CACNG8: variants seen among roughly 807,000 people sequenced by gnomAD.
CACNG8 encodes calcium voltage-gated channel auxiliary subunit gamma 8.
In CACNG8, 5 loss-of-function variants were observed where a neutral mutation model predicts 26.9. The ratio of observed to expected loss-of-function variants is 0.19; its 90% CI spans 0.10 to 0.39. The LOEUF (loss-of-function observed/expected upper bound fraction) is 0.39, where lower values mean the gene tolerates loss of function less well. Ranked by LOEUF, CACNG8 falls within the 10% of genes least tolerant of loss-of-function variation. CACNG8 has a pLI of 1.00. For missense variants in CACNG8, 473 were observed against 609.4 expected, an observed-to-expected ratio of 0.78 and a Z score of 2.36; for synonymous variants, 321 against 296.7, an observed-to-expected ratio of 1.08 and a Z score of -0.84.
In CACNG8 at chr19:53,984,058, G is replaced by A. The variant is rs954877289; in HGVS notation, c.*1209G>A. On this transcript the variant is annotated 3_prime_UTR_variant, in exon 4 of 4. Coordinates refer to ENST00000270458, the MANE Select transcript of CACNG8 (RefSeq NM_031895.6). ...GTGCTGAAATACAGCATCAAACATGGGCACGGGCCCTTGGAGCTCACACTC... is the reference window on the plus strand; with the variant it reads ...GTGCTGAAATACAGCATCAAACATGAGCACGGGCCCTTGGAGCTCACACTC... 1 of 152,330 alleles carries A rather than the reference G, an allele frequency of 6.6e-6. No individual in the cohort carries two copies. The highest frequency in any genetic ancestry group is 2.4e-5 in the African/African-American group (1 of 41,460). The allele number at this position is 152,330 out of a possible 1,614,324, so 9.4% of individuals were successfully genotyped here.
intron 1 of CACNG8, among the ~76,000 whole-genome samples, chr19:53,976,077 G>A (rs949343015): frequency 6.6e-6 from 1 of 152,248 alleles, no homozygotes; most frequent in South Asian, 2.1e-4. Context: ...CAGCGCAGTG[G>A]CTCATGCCTG....
chr19:53,969,441 T>A (rs1262759846), intron 1 of CACNG8, among the ~76,000 whole-genome samples: 1 of 149,920 alleles, frequency 6.7e-6, no homozygotes, highest in Non-Finnish European at 1.5e-5. Context: ...TTTTTTTTTT[T>A]TAGAGATGGG....
rs775591051 is a variant in CACNG8 at position 53,982,059 on chromosome 19, C to A, written c.509-21C>A. ...GGGCCGGGGGTGGCCTCGAGGCTCC[C>A]GTCTGACCGTCCCCGCCCAGGCCTG... On this transcript the variant is annotated intron_variant, in intron 3 of 3. Transcript: ENST00000270458. The surrounding 1 kb of genome is among the most constrained non-coding windows in gnomAD (Gnocchi z 8.4). 5 of 1,535,178 alleles carry A rather than the reference C, an allele frequency of 3.3e-6. No homozygotes were observed. The African/African-American group carries it at 7.0e-5, about 22-fold the overall frequency.
At chr19:53,972,427 T>A (rs565868658) in intron 1 of CACNG8, among the ~76,000 whole-genome samples, 2 of 147,984 alleles carry the variant, frequency 1.4e-5, no homozygotes, top group South Asian at 4.3e-4. Flanking sequence ...AATGGTGTGA[T>A]CTCTGCTCAC....
At position 53,987,925 on chromosome 19, in the gene CACNG8, G is replaced by GT. The variant is rs2069417403; in HGVS notation, c.*5076_*5077insT. ...AGCAGGGGGGTGGGGACAGAGAAGC[G>GT]ACCCTGGCCAGAGCCTTGGGGACAT... is the stretch of plus-strand genomic sequence containing the variant. On this transcript the variant is annotated 3_prime_UTR_variant, in exon 4 of 4. Coordinates refer to ENST00000270458, the MANE Select transcript of CACNG8 (RefSeq NM_031895.6). 6.6e-6 allele frequency: 1 copy of GT among 152,046 alleles called. No individual in the cohort carries two copies. The highest frequency in any genetic ancestry group is 6.6e-5 in the Admixed American group (1 of 15,250). 9.4% of individuals were successfully genotyped at this position (152,046 alleles called of 1,614,324 possible). A position where few individuals can be genotyped will look rare whatever the true frequency, so the allele number is the denominator to read the frequency against.
chr19:53,967,455 T>C (rs2069277701), intron 1 of CACNG8, among the ~76,000 whole-genome samples: 1 of 152,200 alleles, frequency 6.6e-6, no homozygotes, highest in Admixed American at 6.5e-5. Flanking sequence ...TGGAGCAGTC[T>C]CTATCACGAC....
chr19:53,971,274 A>C (rs993877538), intron 1 of CACNG8, among the ~76,000 whole-genome samples: 19 of 147,328 alleles, frequency 1.3e-4, no homozygotes, highest in Non-Finnish European at 2.4e-4. Context: ...CCTGGGCAAC[A>C]GATTGAGGCC....
chr19:53,963,968 A>AT (rs1031230653), intron 1 of CACNG8, among the ~76,000 whole-genome samples: 12 of 151,232 alleles, frequency 7.9e-5, no homozygotes, highest in Admixed American at 7.2e-4. Context: ...TGCCCAGCTA[A>AT]TTTTTTTTAT....
Position 53,982,893 on chromosome 19 carries a change from C to T in CACNG8, c.*44C>T. The T allele has an allele frequency of 2.5e-6, 3 of 1,208,160 alleles. No individual in the cohort carries two copies. Among genetic ancestry groups the T allele is most frequent in the East Asian group, 3.9e-5 (1 of 25,576 alleles). The allele number at this position is 1,208,160 out of a possible 1,614,324, so 74.8% of individuals were successfully genotyped here. A position where few individuals can be genotyped will look rare whatever the true frequency, so the allele number is the denominator to read the frequency against. On this transcript the variant is annotated 3_prime_UTR_variant, in exon 4 of 4. Coordinates refer to ENST00000270458, the MANE Select transcript of CACNG8 (RefSeq NM_031895.6). The surrounding 1 kb of genome is among the most constrained non-coding windows in gnomAD (Gnocchi z 8.4). ...GAGGGGCGTGTCCGGGGCGCGTGCG[C>T]GGGCGCGCGTGCATCGAGGCTGCCG...
chr19:53,989,027 G>C lies in CACNG8; in HGVS notation c.*6178G>C, dbSNP rs1201251042. 1 of 152,246 alleles carries C rather than the reference G, an allele frequency of 6.6e-6. No homozygotes were observed. Among genetic ancestry groups the C allele is most frequent in the East Asian group, 1.9e-4 (1 of 5,196 alleles). The allele number at this position is 152,246 out of a possible 1,614,324, so 9.4% of individuals were successfully genotyped here. On this transcript the variant is annotated 3_prime_UTR_variant, in exon 4 of 4. Coordinates refer to ENST00000270458, the MANE Select transcript of CACNG8 (RefSeq NM_031895.6). ...TCATGCCTGTAATCCCAGCACTCTG[G>C]GAGGCCAAGACAGGAGGATTGCTTG...
chr19:53,978,228 C>T lies in CACNG8; in HGVS notation c.366C>T (p.Leu122=), dbSNP rs755790899. ...ACCACGACAGCGCGGAGTATCTACT[C>T]CGTACGTGGGGGTCCGGGACAGACG... The change falls in exon 2 of 4, where the codon CTC becomes CTT. Residue 122 remains leucine (L), a splice_region_variant and synonymous_variant. Coordinates refer to ENST00000270458, the MANE Select transcript of CACNG8 (RefSeq NM_031895.6). 2 of 1,611,748 alleles carry T rather than the reference C, an allele frequency of 1.2e-6. No homozygotes were observed.
At chr19:53,979,117 G>A (rs1404889358) in intron 2 of CACNG8, among the ~76,000 whole-genome samples, 1 of 149,372 alleles carries the variant, frequency 6.7e-6, no homozygotes, top group African/African-American at 2.5e-5. Context: ...AGTTGTGGGT[G>A]GGGGTGGCTA....
intron 1 of CACNG8, among the ~76,000 whole-genome samples, chr19:53,966,744 G>A (rs1672462728): frequency 6.6e-6 from 1 of 152,188 alleles, no homozygotes; most frequent in African/African-American, 2.4e-5. Context: ...ATTCGGAGAT[G>A]GGAGCCGTTG....
intron 1 of CACNG8, among the ~76,000 whole-genome samples, chr19:53,969,548 C>G (rs1296907025): frequency 2.0e-5 from 3 of 151,986 alleles, no homozygotes; most frequent in Non-Finnish European, 4.4e-5. Flanking sequence ...GAGTGAGCCA[C>G]CCTGCCCGGC....
rs1036313222 is a variant in CACNG8 at position 53,989,507 on chromosome 19, G to GA, written c.*6667dup. The GA allele has an allele frequency of 1.5e-4, 23 of 151,468 alleles. No homozygotes were observed. The highest frequency in any genetic ancestry group is 5.9e-4 in the Admixed American group (9 of 15,182). 9.4% of individuals were successfully genotyped at this position (151,468 alleles called of 1,614,324 possible). A position where few individuals can be genotyped will look rare whatever the true frequency, so the allele number is the denominator to read the frequency against. ...AGCATCAAGGAATGATCAATAAAAA[G>GA]AAAAAAAAATATTTCCTGAGGACTT... On this transcript the variant is annotated 3_prime_UTR_variant, in exon 4 of 4. Coordinates refer to ENST00000270458, the MANE Select transcript of CACNG8 (RefSeq NM_031895.6).
At chr19:53,969,349 A>T (rs1008661444) in intron 1 of CACNG8, among the ~76,000 whole-genome samples, 2 of 151,926 alleles carry the variant, frequency 1.3e-5, no homozygotes, top group African/African-American at 4.8e-5. Flanking sequence ...AAGCTCAGAG[A>T]GGTGAAGTGA....
At chr19:53,968,522 C>T (rs1359610972) in intron 1 of CACNG8, among the ~76,000 whole-genome samples, 1 of 151,966 alleles carries the variant, frequency 6.6e-6, no homozygotes, top group Non-Finnish European at 1.5e-5. Context: ...GTAATTCCAG[C>T]ACTTTGGGAG....
intron 1 of CACNG8, among the ~76,000 whole-genome samples, chr19:53,966,172 C>T (rs1033126940): frequency 2.0e-4 from 30 of 152,226 alleles, no homozygotes; most frequent in African/African-American, 4.6e-4. Context: ...ACTGCAACTT[C>T]GGCCTCCTGG....
intron 1 of CACNG8, among the ~76,000 whole-genome samples, chr19:53,971,273 C>T (rs1326454501): frequency 1.4e-5 from 2 of 138,986 alleles, no homozygotes; most frequent in Non-Finnish European, 3.0e-5. Flanking sequence ...GCCTGGGCAA[C>T]AGATTGAGGC....
Sources: allele counts gnomAD v4.1 joint callset (sites outside exome capture counted in the v4.1 genomes callset), GRCh38; gene constraint gnomAD v4.1.1; non-coding constraint Gnocchi (gnomAD v3.1); transcripts MANE v1.5; gene names NCBI Gene and HGNC (gene_info 2026-07-23, HGNC 2026-07-21).